Variants in CSMD1 observed in about 807,000 individuals in gnomAD.
The protein encoded by CSMD1 is CUB and Sushi multiple domains 1, also known as CUB and sushi domain-containing protein 1.
A neutral mutation model predicts 417.5 loss-of-function variants in CSMD1; 213 were observed. The observed-to-expected ratio is 0.51, with a 90% CI of 0.46 to 0.57. The LOEUF (loss-of-function observed/expected upper bound fraction) is 0.57, where lower values mean the gene tolerates loss of function less well. Ranked by LOEUF, CSMD1 falls within the 20% of genes least tolerant of loss-of-function variation. CSMD1 has a pLI of 0.00. For missense variants in CSMD1, 6,923 were observed against 4,529.7 expected, an observed-to-expected ratio of 1.53 and a Z score of -15.17; for synonymous variants, 2,862 against 1,736.8, an observed-to-expected ratio of 1.65 and a Z score of -16.11.
In CSMD1 at chr8:3,697,493, T is replaced by C. The variant is rs549864598; in HGVS notation, c.1009+10921A>G. Among the ~76,000 whole-genome samples the C allele has an allele frequency of 3.3e-5, 5 of 152,344 alleles. No homozygotes were observed. In the East Asian group the frequency reaches 9.7e-4, roughly 29 times the overall value. ...TGCTTGTGTATAAAATGGAATTCTT[T>C]AATTGATAAGAAAGCTTCATTGATT... is the stretch of plus-strand genomic sequence containing the variant. On this transcript the variant is annotated intron_variant, in intron 7 of 69. Coordinates refer to ENST00000635120, the MANE Select transcript of CSMD1 (RefSeq NM_033225.6).
Position 3,306,238 on chromosome 8 carries a change from G to C in CSMD1, c.3950+1457C>G, listed in dbSNP as rs184692669. ...TGATAGGGTGGCTTTTCTGAATAAG[G>C]ACAAAAATCATTTGTTTATAAATAT... is the stretch of plus-strand genomic sequence containing the variant. On this transcript the variant is annotated intron_variant, in intron 25 of 69. Coordinates refer to ENST00000635120, the MANE Select transcript of CSMD1 (RefSeq NM_033225.6). Among the ~76,000 whole-genome samples the C allele has an allele frequency of 9.2e-5, 14 of 151,960 alleles. No homozygotes were observed. The East Asian group carries it at 2.7e-3, about 29-fold the overall frequency.
Position 3,366,906 on chromosome 8 carries a change from G to C in CSMD1, c.3115+126C>G. 8 of 773,160 alleles carry C rather than the reference G, an allele frequency of 1.0e-5. No individual in the cohort carries two copies. In the East Asian group the frequency reaches 2.1e-4, roughly 21 times the overall value. 47.9% of individuals were successfully genotyped at this position (773,160 alleles called of 1,614,324 possible). A position where few individuals can be genotyped will look rare whatever the true frequency, so the allele number is the denominator to read the frequency against. On this transcript the variant is annotated intron_variant, in intron 20 of 69. Coordinates refer to ENST00000635120, the MANE Select transcript of CSMD1 (RefSeq NM_033225.6). ...CCTGCACCCCATTAGTTGGAATCAA[G>C]TCACGCATGTACAAACACACACGGA...
chr8:4,992,435 G>T (rs967456472), intron 1 of CSMD1, among the ~76,000 whole-genome samples: 1 of 152,232 alleles, frequency 6.6e-6, no homozygotes, highest in Admixed American at 6.5e-5. Flanking sequence ...TGAGTTGCCT[G>T]CCTGGAAAGG....
At chr8:3,433,877 C>T (rs1234130013) in intron 12 of CSMD1, among the ~76,000 whole-genome samples, 2 of 152,202 alleles carry the variant, frequency 1.3e-5, no homozygotes, top group Non-Finnish European at 1.5e-5. Flanking sequence ...CCTGCTTCAA[C>T]TTCTGGTTAA....
intron 2 of CSMD1, among the ~76,000 whole-genome samples, chr8:4,495,330 C>T (rs1018064460): frequency 3.3e-5 from 5 of 152,154 alleles, no homozygotes; most frequent in African/African-American, 9.7e-5. Flanking sequence ...AATCCCAGCA[C>T]TTTGGGAGGC....
At chr8:2,939,858 G>T (rs1801742755) in intron 69 of CSMD1, among the ~76,000 whole-genome samples, 1 of 152,232 alleles carries the variant, frequency 6.6e-6, no homozygotes, top group South Asian at 2.1e-4. Flanking sequence ...CCTCGTCAAT[G>T]AAGTGAAGAC....
At chr8:3,027,584 G>T (rs1219683668) in intron 51 of CSMD1, among the ~76,000 whole-genome samples, 5 of 152,154 alleles carry the variant, frequency 3.3e-5, no homozygotes, top group Non-Finnish European at 7.3e-5. Context: ...GACATTCAAG[G>T]GACAAATAGC....
At chr8:4,253,725 C>A (rs1487732474) in intron 3 of CSMD1, among the ~76,000 whole-genome samples, 1 of 151,384 alleles carries the variant, frequency 6.6e-6, no homozygotes, top group African/African-American at 2.4e-5. Flanking sequence ...TAACTACACA[C>A]ATCAATTTTC....
chr8:4,899,661 G>T (rs192739537), intron 1 of CSMD1, among the ~76,000 whole-genome samples: 16 of 152,228 alleles, frequency 1.1e-4, no homozygotes, highest in Non-Finnish European at 1.6e-4. Context: ...AATATAAGAT[G>T]ACCATGTCTT....
intron 2 of CSMD1, among the ~76,000 whole-genome samples, chr8:4,595,388 A>ATTATACTCTAAG (rs1365144239): frequency 1.1e-4 from 8 of 70,000 alleles, no homozygotes; most frequent in South Asian, 9.6e-4. Context: ...ATTCATTTTC[A>ATTATACTCTAAG]TTCCATCCAT....
chr8:3,286,752 A>C (rs1160692531), intron 25 of CSMD1, among the ~76,000 whole-genome samples: 1 of 151,820 alleles, frequency 6.6e-6, no homozygotes, highest in Non-Finnish European at 1.5e-5. Flanking sequence ...GATTGCAAAA[A>C]TTTTCTCCCA....
At chr8:4,328,738 G>C (rs760222536) in intron 3 of CSMD1, among the ~76,000 whole-genome samples, 1 of 151,998 alleles carries the variant, frequency 6.6e-6, no homozygotes, top group Non-Finnish European at 1.5e-5. Context: ...TACTGTTCTT[G>C]TTTTATCAAA....
intron 2 of CSMD1, among the ~76,000 whole-genome samples, chr8:4,465,043 A>G (rs1585122127): frequency 6.6e-6 from 1 of 152,268 alleles, no homozygotes; most frequent in Non-Finnish European, 1.5e-5. Flanking sequence ...AAAGGGAAAC[A>G]CAACAAGGCC....
At chr8:4,686,967 C>G (rs1362299214) in intron 1 of CSMD1, among the ~76,000 whole-genome samples, 2 of 152,180 alleles carry the variant, frequency 1.3e-5, no homozygotes, top group Non-Finnish European at 2.9e-5. Flanking sequence ...CAGTCCTGAA[C>G]GGCACACAGG....
At position 4,044,114 on chromosome 8, in the gene CSMD1, T is replaced by C. The variant is rs111438170; in HGVS notation, c.416-12015A>G. Among the ~76,000 whole-genome samples the C allele has an allele frequency of 8.6e-3, 1,303 of 152,298 alleles. 22 individuals carry two copies. Among genetic ancestry groups the C allele is most frequent in the African/African-American group, 0.03 (1,241 of 41,550 alleles). ...TCTGTGATATTATTTGATATGATAT[T>C]TTCTGGCTCACATGTTCTCATCTTA... On this transcript the variant is annotated intron_variant, in intron 3 of 69. Coordinates refer to ENST00000635120, the MANE Select transcript of CSMD1 (RefSeq NM_033225.6).
At position 4,070,174 on chromosome 8, in the gene CSMD1, G is replaced by C. The variant is rs1041505381; in HGVS notation, c.416-38075C>G. 5.3e-5 allele frequency among the ~76,000 whole-genome samples: 8 copies of C among 152,114 alleles called. No homozygotes were observed. The East Asian group carries it at 9.7e-4, about 18-fold the overall frequency. On this transcript the variant is annotated intron_variant, in intron 3 of 69. Transcript: ENST00000635120. ...AAAATGTATAAAGAATGCAATTTTAGAGGTGCATTTACCAAACCTCTTTTT... is the reference window on the plus strand; with the variant it reads ...AAAATGTATAAAGAATGCAATTTTACAGGTGCATTTACCAAACCTCTTTTT...
At chr8:4,389,478 T>A (rs1240953129) in intron 3 of CSMD1, among the ~76,000 whole-genome samples, 1 of 152,132 alleles carries the variant, frequency 6.6e-6, no homozygotes, top group Non-Finnish European at 1.5e-5. Flanking sequence ...GTGCTTTTTT[T>A]TCTCAGAAAT....
intron 6 of CSMD1, among the ~76,000 whole-genome samples, chr8:3,734,071 T>C (rs906734556): frequency 6.6e-6 from 1 of 152,108 alleles, no homozygotes; most frequent in African/African-American, 2.4e-5. Flanking sequence ...ATACAAAGAA[T>C]TTTTAAGTGA....
At chr8:4,704,873 A>G (rs1295721346) in intron 1 of CSMD1, among the ~76,000 whole-genome samples, 1 of 152,180 alleles carries the variant, frequency 6.6e-6, no homozygotes, top group African/African-American at 2.4e-5. Flanking sequence ...AAGGCTCCAA[A>G]AACCCTATGG....
Sources: gnomAD v4.1 joint callset for allele counts (sites outside exome capture counted in the v4.1 genomes callset) on GRCh38, gnomAD v4.1.1 for gene constraint, MANE v1.5 for transcripts, NCBI Gene and HGNC (gene_info 2026-07-23, HGNC 2026-07-21) for gene names.